The following TYK2 variants were observed in gnomAD, a reference collection of about 807,000 sequenced individuals.
TYK2 encodes the protein non-receptor tyrosine-protein kinase TYK2.
In TYK2, 65 loss-of-function variants were observed where a neutral mutation model predicts 130.9. The observed-to-expected ratio is 0.50, with a 90% CI of 0.41 to 0.61. The LOEUF (loss-of-function observed/expected upper bound fraction) is 0.61. Ranked by LOEUF, TYK2 falls within the 20% of genes least tolerant of loss-of-function variation. TYK2 has a pLI of 0.00. For synonymous variants in TYK2, 647 were observed against 658.9 expected, an observed-to-expected ratio of 0.98 and a Z score of 0.28; for missense variants, 1,378 against 1,610.7, an observed-to-expected ratio of 0.86 and a Z score of 2.47.
intron 5 of TYK2, 60 bp from the exon 6 acceptor site, chr19:10,366,640 A>G: frequency 6.3e-7 from 1 of 1,599,662 alleles, no homozygotes; most frequent in Non-Finnish European, 8.6e-7. Context: ...TCTAGCCCAG[A>G]GGTATCCAAT....
intron 17 of TYK2, chr19:10,357,471 T>C (rs1250120104): frequency 1.4e-6 from 1 of 702,740 alleles, no homozygotes; most frequent in Non-Finnish European, 2.6e-6. Flanking sequence ...TCCTCAGCCC[T>C]TCTTCCCCAC....
In TYK2 at chr19:10,353,073, T is replaced by A; in HGVS notation, c.3053A>T (p.His1018Leu). 1 of 1,561,712 alleles carries A rather than the reference T, an allele frequency of 6.4e-7. No homozygotes were observed. The highest frequency in any genetic ancestry group is 8.7e-7 in the Non-Finnish European group (1 of 1,151,554). ...CGCGGCTAGGTCTCGGTGGATGTAG[T>A]GCTGCGCGTGCAGATAGGCCATGCC... The part of the protein sequence containing the change: ...CEGMAYLHAQ[H>L]YIHRDLAARN... The change falls in exon 22 of 25, where the codon CAC (histidine) becomes CTC (leucine). Residue 1018 changes from histidine to leucine, a missense_variant. By Grantham distance (99) the His-to-Leu change is moderately conservative (BLOSUM62 -3). Transcript: ENST00000525621. This position sits in a 1 kb window ranked among gnomAD's most constrained non-coding sequence, Gnocchi z 6.9.
chr19:10,378,605 T>C, intron 2 of TYK2, 179 bp from the exon 3 acceptor site: 1 of 602,590 alleles, frequency 1.7e-6, no homozygotes. Flanking sequence ...TTGGACAGGG[T>C]TGGGGTATGC....
At position 10,352,472 on chromosome 19, in the gene TYK2, G is replaced by A. The variant is rs1246700530; in HGVS notation, c.3280C>T (p.Leu1094=). The A allele has an allele frequency of 5.0e-6, 8 of 1,610,430 alleles. No individual in the cohort carries two copies. The highest frequency in any genetic ancestry group is 6.8e-6 in the Non-Finnish European group (8 of 1,178,164). ...VWSFGVTLYE[L]LTHCDSSQSP... ...TGGCTGGAGTCACAGTGCGTCAGCAGCTCATACAGGGTCACCCCGAAGGAC... is the reference window on the plus strand; with the variant it reads ...TGGCTGGAGTCACAGTGCGTCAGCAACTCATACAGGGTCACCCCGAAGGAC... The change falls in exon 23 of 25, where the codon CTG becomes TTG. Residue 1094 remains leucine, a synonymous_variant. Transcript: ENST00000525621.
Position 10,352,419 on chromosome 19 carries a change from G to A in TYK2, c.3318+15C>T, listed in dbSNP as rs769162557. On this transcript the variant is annotated intron_variant, in intron 23 of 24. Coordinates refer to ENST00000525621, the MANE Select transcript of TYK2 (RefSeq NM_003331.5). ...TCTAGCAAACTCCCGGTGGGGCTGC[G>A]GGCCTGGCTCTCACCGTGGGGGGGC... The A allele has an allele frequency of 1.3e-6, 2 of 1,554,500 alleles. No individual in the cohort carries two copies. Among genetic ancestry groups the A allele is most frequent in the Non-Finnish European group, 1.8e-6 (2 of 1,126,214 alleles).
At position 10,352,452 on chromosome 19, in the gene TYK2, G is replaced by A. The variant is rs192631245; in HGVS notation, c.3300C>T (p.Ser1100=). 1.2e-6 allele frequency: 2 copies of A among 1,610,320 alleles called. No homozygotes were observed. Among genetic ancestry groups the A allele is most frequent in the East Asian group, 2.2e-5 (1 of 44,792 alleles). ...TLYELLTHCD[S]SQSPPTKFLE... Reference sequence around the variant, plus strand: ...CTCTCACCGTGGGGGGGCTCTGGCTGGAGTCACAGTGCGTCAGCAGCTCAT... The same window carrying A: ...CTCTCACCGTGGGGGGGCTCTGGCTAGAGTCACAGTGCGTCAGCAGCTCAT... Residue 1100 remains serine, a synonymous_variant, in exon 23 of 25, where the codon TCC becomes TCT. Transcript: ENST00000525621.
chr19:10,359,546 G>GT (rs2041285884), intron 14 of TYK2, among the ~76,000 whole-genome samples: 1 of 152,106 alleles, frequency 6.6e-6, no homozygotes, highest in Non-Finnish European at 1.5e-5. Flanking sequence ...AGAAGTTGAA[G>GT]TTCAAGAGAG....
intron 9 of TYK2, among the ~76,000 whole-genome samples, chr19:10,363,672 T>C (rs1486048195): frequency 2.0e-5 from 3 of 152,116 alleles, no homozygotes; most frequent in East Asian, 1.9e-4. Context: ...AATCACCCAA[T>C]ATGACAGGGC....
At chr19:10,352,573 G>T in intron 22 of TYK2, 22 bp from the exon 23 acceptor site, 1 of 1,172,588 alleles carries the variant, frequency 8.5e-7, no homozygotes. Flanking sequence ...GGGGCACTCA[G>T]GCCACGGGGG....
At chr19:10,366,629 C>G in intron 5 of TYK2, 49 bp from the exon 6 acceptor site, 1 of 1,610,610 alleles carries the variant, frequency 6.2e-7, no homozygotes, top group Non-Finnish European at 8.5e-7. Flanking sequence ...ATGCGTTCCT[C>G]TCTAGCCCAG....
In TYK2 at chr19:10,353,974, C is replaced by T; in HGVS notation, c.2908+68G>A. The T allele has an allele frequency of 6.5e-7, 1 of 1,532,490 alleles. No individual in the cohort carries two copies. The highest frequency in any genetic ancestry group is 1.4e-5 in the African/African-American group (1 of 73,346). The allele number at this position is 1,532,490 out of a possible 1,614,324, so 94.9% of individuals were successfully genotyped here. On this transcript the variant is annotated intron_variant, in intron 20 of 24. Transcript: ENST00000525621. The surrounding 1 kb of genome is among the most constrained non-coding windows in gnomAD (Gnocchi z 6.9). ...ATTGGCTAGGCCAGACTGGCCCCGC[C>T]CACAAGGCCACACCCACGCTCTAAC...
chr19:10,365,500 A>G lies in TYK2; in HGVS notation c.1011+17T>C, dbSNP rs1256764609. On this transcript the variant is annotated intron_variant, in intron 7 of 24. Coordinates refer to ENST00000525621, the MANE Select transcript of TYK2 (RefSeq NM_003331.5). The stretch of plus-strand genomic sequence containing the variant: ...GCCCAACCTGAACCCCCAGGGCGGA[A>G]GGGGCGCCTTGCTCACCTCCTCCTT... The G allele has an allele frequency of 3.1e-6, 5 of 1,613,530 alleles. No homozygotes were observed.
At chr19:10,367,489 G>C (rs1237772055) in intron 5 of TYK2, among the ~76,000 whole-genome samples, 1 of 152,112 alleles carries the variant, frequency 6.6e-6, no homozygotes, top group Non-Finnish European at 1.5e-5. Flanking sequence ...GCCTGGGGTG[G>C]TGGCGGGCTT....
At chr19:10,352,337 G>A (rs888547171) in intron 23 of TYK2, 97 bp downstream of exon 23, 1 of 845,656 alleles carries the variant, frequency 1.2e-6, no homozygotes, top group Non-Finnish European at 2.1e-6. Flanking sequence ...CTCCCAAAGT[G>A]CTGGGATTAC....
chr19:10,375,627 G>C (rs1038146094), intron 3 of TYK2, among the ~76,000 whole-genome samples: 16 of 147,864 alleles, frequency 1.1e-4, no homozygotes, highest in Non-Finnish European at 2.2e-4. Context: ...ATTAAAAAAA[G>C]AAAATTGGGC....
At chr19:10,377,400 G>GGA (rs2042165185) in intron 3 of TYK2, among the ~76,000 whole-genome samples, 1 of 105,342 alleles carries the variant, frequency 9.5e-6, no homozygotes, top group Non-Finnish European at 1.9e-5. Flanking sequence ...GGGTGGGTGG[G>GGA]TGGATGGATG....
At position 10,361,501 on chromosome 19, in the gene TYK2, A is replaced by T. The variant is rs756893758; in HGVS notation, c.2047+10T>A. 4 of 1,543,728 alleles carry T rather than the reference A, an allele frequency of 2.6e-6. No homozygotes were observed. In the South Asian group the frequency reaches 4.8e-5, roughly 18 times the overall value. On this transcript the variant is annotated intron_variant, in intron 14 of 24. Coordinates refer to ENST00000525621, the MANE Select transcript of TYK2 (RefSeq NM_003331.5). This position sits in a 1 kb window ranked among gnomAD's most constrained non-coding sequence, Gnocchi z 4.0. ...GCCAAAGGGGGATGGGTATGGCGGG[A>T]CCCACTCACTTTCAGGGCCGCGCAC...
chr19:10,350,564 G>A lies in TYK2; in HGVS notation c.*270C>T, dbSNP rs1231697742. On this transcript the variant is annotated 3_prime_UTR_variant, in exon 25 of 25. Transcript: ENST00000525621. Reference sequence around the variant, plus strand: ...AAACATGAGTTTATTACCAGATGGTGGAGATGGTGGGCCTCAAGTTTGGAA... The same window carrying A: ...AAACATGAGTTTATTACCAGATGGTAGAGATGGTGGGCCTCAAGTTTGGAA... 9.8e-6 allele frequency: 5 copies of A among 510,176 alleles called. No individual in the cohort carries two copies. Among genetic ancestry groups the A allele is most frequent in the African/African-American group, 5.7e-5 (3 of 52,510 alleles). The allele number at this position is 510,176 out of a possible 1,614,324, so 31.6% of individuals were successfully genotyped here. A position where few individuals can be genotyped will look rare whatever the true frequency, so the allele number is the denominator to read the frequency against.
rs1472082663 is a variant in TYK2 at position 10,380,430 on chromosome 19, CTGTCA to C, written c.-241_-237del. On this transcript the variant is annotated 5_prime_UTR_variant, in exon 1 of 25. Transcript: ENST00000525621. ...CCAGGTGCTCCCATCCAAGTGCAGC[CTGTCA>C]AGCGCAGCCAGTCCCCGCGGCTTCT... The C allele has an allele frequency of 6.5e-6, 1 of 152,688 alleles. No individual in the cohort carries two copies. Among genetic ancestry groups the C allele is most frequent in the African/African-American group, 2.4e-5 (1 of 41,476 alleles). The allele number at this position is 152,688 out of a possible 1,614,324, so 9.5% of individuals were successfully genotyped here.
Sources: allele counts gnomAD v4.1 joint callset (sites outside exome capture counted in the v4.1 genomes callset), GRCh38; gene constraint gnomAD v4.1.1; non-coding constraint Gnocchi (gnomAD v3.1); transcripts MANE v1.5; gene names NCBI Gene and HGNC (gene_info 2026-07-23, HGNC 2026-07-21).